The following ADAMTSL4 variants were observed in gnomAD, a reference collection of about 807,000 sequenced individuals.
ADAMTSL4 encodes the protein ADAMTS-like protein 4.
In ADAMTSL4, 97 loss-of-function variants were observed where a neutral mutation model predicts 122.8. That is an observed-to-expected ratio of 0.79 (90% CI 0.67 to 0.93). ADAMTSL4 has a LOEUF of 0.93. ADAMTSL4 is among the 40% of genes least tolerant of loss of function. The probability of loss-of-function intolerance (pLI) is 0.00; values close to 1 mark genes in which losing one functional copy is unlikely to be tolerated. For missense variants in ADAMTSL4, 1,408 were observed against 1,453.5 expected, an observed-to-expected ratio of 0.97 and a Z score of 0.51; for synonymous variants, 592 against 568.0, an observed-to-expected ratio of 1.04 and a Z score of -0.60.
chr1:150,554,228 T>C lies in ADAMTSL4; in HGVS notation c.1131+106T>C. The C allele has an allele frequency of 6.8e-7, 1 of 1,468,234 alleles. No individual in the cohort carries two copies. Among genetic ancestry groups the C allele is most frequent in the Non-Finnish European group, 9.4e-7 (1 of 1,062,648 alleles). The allele number at this position is 1,468,234 out of a possible 1,614,324, so 91.0% of individuals were successfully genotyped here. ...CTTGGCACCTGAGGGAGAAGGGCCT[T>C]GGCATCTGACCACCTCAGGGCAGGG... On this transcript the variant is annotated intron_variant, in intron 6 of 18. Transcript: ENST00000271643. The surrounding 1 kb of genome is among the most constrained non-coding windows in gnomAD (Gnocchi z 4.0).
rs999178011 is a variant in ADAMTSL4, at chr1:150,549,450, A to C, written c.-208A>C. ...CCGCGGAGCGAGGTTGCCTGGAGAG[A>C]GCGCCTGGGCGCAGAAGGGTTAACG... On this transcript the variant is annotated 5_prime_UTR_variant, in exon 1 of 19. Coordinates refer to ENST00000271643, the MANE Select transcript of ADAMTSL4 (RefSeq NM_019032.6). The surrounding 1 kb of genome is among the most constrained non-coding windows in gnomAD (Gnocchi z 5.0). 3 of 152,062 alleles carry C rather than the reference A, an allele frequency of 2.0e-5. No individual in the cohort carries two copies. Among genetic ancestry groups the C allele is most frequent in the African/African-American group, 7.3e-5 (3 of 41,362 alleles). The allele number at this position is 152,062 out of a possible 1,614,324, so 9.4% of individuals were successfully genotyped here. A position where few individuals can be genotyped will look rare whatever the true frequency, so the allele number is the denominator to read the frequency against.
At position 150,553,830 on chromosome 1, in the gene ADAMTSL4, A is replaced by G. The variant is rs769200929; in HGVS notation, c.839A>G (p.Gln280Arg). 3.1e-6 allele frequency: 5 copies of G among 1,613,984 alleles called. No homozygotes were observed. Among genetic ancestry groups the G allele is most frequent in the Non-Finnish European group, 4.2e-6 (5 of 1,179,980 alleles). The change falls in exon 6 of 19, where the codon CAG becomes CGG. Residue 280 changes from glutamine (Q) to arginine (R), a missense_variant. Transcript: ENST00000271643. ...GGTGGCTTCTTCCGTGCATCCCCTC[A>G]GCCACGAAGGCCAAGTTCCCAGGGT... ...GEGGFFRASP[Q>R]PRRPSSQGWA...
At position 150,552,076 on chromosome 1, in the gene ADAMTSL4, T is replaced by A. The variant is rs1671465287; in HGVS notation, c.-84-129T>A. On this transcript the variant is annotated intron_variant, in intron 2 of 18. Coordinates refer to ENST00000271643, the MANE Select transcript of ADAMTSL4 (RefSeq NM_019032.6). This position sits in a 1 kb window ranked among gnomAD's most constrained non-coding sequence, Gnocchi z 4.0. ...AGATGGACAAGGCAGTGATCCTCCC[T>A]GCTCCCACCCTGAGGATCCTAAAGG... 4.9e-6 allele frequency: 3 copies of A among 609,276 alleles called. No homozygotes were observed. In the South Asian group the frequency reaches 6.1e-5, roughly 12 times the overall value. 37.7% of individuals were successfully genotyped at this position (609,276 alleles called of 1,614,324 possible).
rs1671532213 is a variant in ADAMTSL4 at position 150,552,543 on chromosome 1, G to T, written c.21G>T (p.Arg7Ser). MENWTG[R>S]PWLYLLLLLS... ...CCCTCCCCTGGCCTTTGGTTTGCAG[G>T]CCCTGGCTGTATCTGCTGCTGCTTC... Residue 7 changes from arginine to serine, a missense_variant and splice_region_variant, in exon 4 of 19, where the codon AGG (arginine) becomes AGT (serine). Arg to Ser is a moderately radical substitution (Grantham distance 110). Coordinates refer to ENST00000271643, the MANE Select transcript of ADAMTSL4 (RefSeq NM_019032.6). The surrounding 1 kb of genome is among the most constrained non-coding windows in gnomAD (Gnocchi z 4.0). The T allele has an allele frequency of 1.2e-6, 2 of 1,613,912 alleles. No homozygotes were observed. Among genetic ancestry groups the T allele is most frequent in the Non-Finnish European group, 1.7e-6 (2 of 1,179,990 alleles).
Position 150,560,129 on chromosome 1 carries a change from A to G in ADAMTSL4, c.3158A>G (p.Tyr1053Cys). 6.2e-7 allele frequency: 1 copy of G among 1,613,766 alleles called. No homozygotes were observed. Among genetic ancestry groups the G allele is most frequent in the Non-Finnish European group, 8.5e-7 (1 of 1,179,952 alleles). The change falls in exon 19 of 19, where the codon TAC becomes TGC. Residue 1053 changes from tyrosine to cysteine, a missense_variant. Transcript: ENST00000271643. ...VVQARLCVYP[Y>C]YTATCCRSCA... Reference sequence around the variant, plus strand: ...CAGGCCCGGCTCTGCGTCTACCCCTACTACACAGCCACCTGTTGCCGCTCT... The same window carrying G: ...CAGGCCCGGCTCTGCGTCTACCCCTGCTACACAGCCACCTGTTGCCGCTCT...
In ADAMTSL4 at chr1:150,553,917, G is replaced by A. The variant is rs76075180; in HGVS notation, c.926G>A (p.Arg309Gln). Residue 309 changes from arginine to glutamine, a missense_variant, in exon 6 of 19, where the codon CGA (arginine) becomes CAA (glutamine). Arg to Gln is a conservative substitution (Grantham distance 43, BLOSUM62 1). Transcript: ENST00000271643. ...PDPFPSVPRGRGQQGQGPWGT... is the reference protein window; with the variant it reads ...PDPFPSVPRGQGQQGQGPWGT... Reference sequence around the variant, plus strand: ...CCTTTTCCTTCGGTCCCTCGGGGCCGAGGCCAGCAGGGCCAAGGGCCTTGG... The same window carrying A: ...CCTTTTCCTTCGGTCCCTCGGGGCCAAGGCCAGCAGGGCCAAGGGCCTTGG... 0.01 allele frequency: 16,345 copies of A among 1,611,512 alleles called. 1,002 individuals carry two copies. The Admixed American group carries it at 0.13, about 13-fold the overall frequency.
chr1:150,559,399 C>A lies in ADAMTSL4; in HGVS notation c.2876C>A (p.Pro959His). 6 of 1,613,718 alleles carry A rather than the reference C, an allele frequency of 3.7e-6. No individual in the cohort carries two copies. The highest frequency in any genetic ancestry group is 1.1e-5 in the South Asian group (1 of 91,092). Reference sequence around the variant, plus strand: ...AGCAACTGTTCTCACCTCCCCAGGCCCCCTGCCCTGCAGCCCTGTCAAGGG... The same window carrying A: ...AGCAACTGTTCTCACCTCCCCAGGCACCCTGCCCTGCAGCCCTGTCAAGGG... ...SPSNCSHLPR[P>H]PALQPCQGQA... The change falls in exon 17 of 19, where the codon CCC becomes CAC. Residue 959 changes from proline (P) to histidine (H), a missense_variant. By Grantham distance (77) the Pro-to-His change is moderately conservative (BLOSUM62 -2). Transcript: ENST00000271643. This position sits in a 1 kb window ranked among gnomAD's most constrained non-coding sequence, Gnocchi z 4.1.
At position 150,549,650 on chromosome 1, in the gene ADAMTSL4, A is replaced by AAT. The variant is rs1671204101; in HGVS notation, c.-159+152_-159+153dup. ...GGACCCAGCTCCGGTGGCCTCGGAC[A>AAT]ATCTTCCAGCCCCTGGGGTCGAATT... On this transcript the variant is annotated intron_variant, in intron 1 of 18. Transcript: ENST00000271643. The surrounding 1 kb of genome is among the most constrained non-coding windows in gnomAD (Gnocchi z 5.0). Among the ~76,000 whole-genome samples, 1 of 152,086 alleles carries AAT rather than the reference A, an allele frequency of 6.6e-6. No individual in the cohort carries two copies. The highest frequency in any genetic ancestry group is 1.5e-5 in the Non-Finnish European group (1 of 67,992).
chr1:150,554,861 T>C lies in ADAMTSL4; in HGVS notation c.1234+394T>C, dbSNP rs1671851391. ...GTTACCATCCGCTTCATTTTAGGCC[T>C]GTGTTAACTTGACACCGGGATAAGC... On this transcript the variant is annotated intron_variant, in intron 7 of 18. Coordinates refer to ENST00000271643, the MANE Select transcript of ADAMTSL4 (RefSeq NM_019032.6). This position sits in a 1 kb window ranked among gnomAD's most constrained non-coding sequence, Gnocchi z 4.0. The C allele has an allele frequency of 1.7e-6, 1 of 583,714 alleles. No homozygotes were observed. Among genetic ancestry groups the C allele is most frequent in the Admixed American group, 3.0e-5 (1 of 33,256 alleles). The allele number at this position is 583,714 out of a possible 1,614,324, so 36.2% of individuals were successfully genotyped here.
At position 150,552,691 on chromosome 1, in the gene ADAMTSL4, C is replaced by T; in HGVS notation, c.78+91C>T. 1 of 1,501,370 alleles carries T rather than the reference C, an allele frequency of 6.7e-7. No individual in the cohort carries two copies. The highest frequency in any genetic ancestry group is 1.2e-5 in the South Asian group (1 of 84,498). The allele number at this position is 1,501,370 out of a possible 1,614,324, so 93.0% of individuals were successfully genotyped here. On this transcript the variant is annotated intron_variant, in intron 4 of 18. Coordinates refer to ENST00000271643, the MANE Select transcript of ADAMTSL4 (RefSeq NM_019032.6). This position sits in a 1 kb window ranked among gnomAD's most constrained non-coding sequence, Gnocchi z 4.0. ...ACCCCATCTCTCCAGGCCACGCCTC[C>T]ATTCCCCACAGCCCACCCACCTCCC... is the stretch of plus-strand genomic sequence containing the variant.
At chr1:150,551,140 T>G (rs1173230277) in intron 2 of ADAMTSL4, 1 of 379,812 alleles carries the variant, frequency 2.6e-6, no homozygotes, top group Non-Finnish European at 5.3e-6. Flanking sequence ...AAAGCTGAAC[T>G]TCAGATGGAC....
chr1:150,559,982 G>A lies in ADAMTSL4; in HGVS notation c.3088+77G>A. ...GGGAGGAGATGAGAAAGGACCAGTGGGAATGGGCAGCACACCCATTCCCAG... is the reference window on the plus strand; with the variant it reads ...GGGAGGAGATGAGAAAGGACCAGTGAGAATGGGCAGCACACCCATTCCCAG... On this transcript the variant is annotated intron_variant, in intron 18 of 18. Transcript: ENST00000271643. This position sits in a 1 kb window ranked among gnomAD's most constrained non-coding sequence, Gnocchi z 4.1. 1.9e-6 allele frequency: 3 copies of A among 1,613,864 alleles called. No homozygotes were observed. The highest frequency in any genetic ancestry group is 1.7e-6 in the Non-Finnish European group (2 of 1,179,996).
Position 150,554,412 on chromosome 1 carries a change from C to T in ADAMTSL4, c.1179C>T (p.Ala393=), listed in dbSNP as rs182053027. ...ACCCCCGGGCCCTGCAGTGCGCAGC[C>T]TTTAACTCCCAGGAATTCATGGGCC... ...QPDPRALQCA[A]FNSQEFMGQL... The change falls in exon 7 of 19, where the codon GCC becomes GCT. Residue 393 remains alanine, a synonymous_variant. Coordinates refer to ENST00000271643, the MANE Select transcript of ADAMTSL4 (RefSeq NM_019032.6). This position sits in a 1 kb window ranked among gnomAD's most constrained non-coding sequence, Gnocchi z 4.0. 184 of 1,614,120 alleles carry T rather than the reference C, an allele frequency of 1.1e-4. 1 individual carries two copies. In the East Asian group the frequency reaches 3.1e-3, roughly 28 times the overall value.
chr1:150,553,454 G>A lies in ADAMTSL4; in HGVS notation c.463G>A (p.Gly155Arg). The A allele has an allele frequency of 6.2e-7, 1 of 1,613,932 alleles. No homozygotes were observed. Residue 155 changes from glycine to arginine, a missense_variant, in exon 6 of 19, where the codon GGA becomes AGA. Transcript: ENST00000271643. ...RSRLRDPIKPGMFGYGRVPFA... is the reference protein window; with the variant it reads ...RSRLRDPIKPRMFGYGRVPFA... The stretch of plus-strand genomic sequence containing the variant: ...CCGGCTTCGAGACCCCATCAAGCCA[G>A]GAATGTTCGGTTATGGGAGAGTGCC...
intron 2 of ADAMTSL4, chr1:150,551,002 TC>T (rs2101538056): frequency 2.2e-6 from 1 of 456,054 alleles, no homozygotes; most frequent in Admixed American, 2.3e-5. Context: ...ATTTTTTTTT[TC>T]CTGGAAAGCA....
At chr1:150,555,678 CACAT>C (rs1282611206) in intron 8 of ADAMTSL4, 113 bp downstream of exon 8, 186 of 1,445,374 alleles carry the variant, frequency 1.3e-4, no homozygotes, top group African/African-American at 5.4e-4. Flanking sequence ...CACATGCAAG[CACAT>C]ACACACACGC....
Position 150,553,731 on chromosome 1 carries a change from C to A in ADAMTSL4, c.740C>A (p.Ala247Asp). ...GAGGTGGCCCCCAGAACCAGGCCTG[C>A]CCCCCTACGGCATCACCCCAGAGCC... ...QTEVAPRTRP[A>D]PLRHHPRAQA... The change falls in exon 6 of 19, where the codon GCC becomes GAC. Residue 247 changes from alanine (A) to aspartate (D), a missense_variant. Coordinates refer to ENST00000271643, the MANE Select transcript of ADAMTSL4 (RefSeq NM_019032.6). 1 of 1,612,894 alleles carries A rather than the reference C, an allele frequency of 6.2e-7. No homozygotes were observed. Among genetic ancestry groups the A allele is most frequent in the East Asian group, 2.2e-5 (1 of 44,806 alleles).
rs745513961 is a variant in ADAMTSL4, at chr1:150,558,534, GTGA to G, written c.2448_2450del (p.Asp816del). ...CAGGTTCGCTGTGTTGGGAACAATG[GTGA>G]TGAAGTGAGCGAGCAGGAGTGTGCG... is the stretch of plus-strand genomic sequence containing the variant. On this transcript the variant is annotated inframe_deletion, in exon 15 of 19. Transcript: ENST00000271643. 33 of 1,613,736 alleles carry G rather than the reference GTGA, an allele frequency of 2.0e-5. No homozygotes were observed. The highest frequency in any genetic ancestry group is 2.8e-5 in the Non-Finnish European group (33 of 1,179,974).
intron 13 of ADAMTSL4, 34 bp downstream of exon 13, chr1:150,557,657 GT>G: frequency 6.3e-7 from 1 of 1,585,688 alleles, no homozygotes; most frequent in Non-Finnish European, 8.6e-7. Context: ...GAGGGTTAGG[GT>G]ACTGGAAACA....
Sources: allele counts gnomAD v4.1 joint callset (sites outside exome capture counted in the v4.1 genomes callset), GRCh38; gene constraint gnomAD v4.1.1; non-coding constraint Gnocchi (gnomAD v3.1); transcripts MANE v1.5; gene names NCBI Gene and HGNC (gene_info 2026-07-23, HGNC 2026-07-21).